The following USH2A variants were observed in gnomAD, a reference collection of about 807,000 sequenced individuals.
USH2A encodes usherin, also known as Usher syndrome 2A (autosomal recessive, mild).
USH2A carries 443 observed loss-of-function variants against 538.9 expected under a neutral mutation model. The observed-to-expected ratio is 0.82, with a 90% CI of 0.76 to 0.89. The LOEUF (loss-of-function observed/expected upper bound fraction) is 0.89, where lower values mean the gene tolerates loss of function less well. Ranked by LOEUF, USH2A falls within the 40% of genes least tolerant of loss-of-function variation. The pLI is 0.00. For missense variants in USH2A, 6,633 were observed against 6,324.8 expected (o/e 1.05, Z -1.65); for synonymous variants, 2,413 against 2,273.5 (o/e 1.06, Z -1.75).
At chr1:215,682,146 A>G (rs1280660647) in intron 61 of USH2A, among the ~76,000 whole-genome samples, 1 of 152,198 alleles carries the variant, frequency 6.6e-6, no homozygotes, top group Non-Finnish European at 1.5e-5. Flanking sequence ...TAGGGCAAAC[A>G]TGGGCAAGAT....
chr1:216,370,620 G>A (rs1447667942), intron 3 of USH2A, among the ~76,000 whole-genome samples: 2 of 131,356 alleles, frequency 1.5e-5, no homozygotes, highest in African/African-American at 5.6e-5. Flanking sequence ...GGAGGTTGTG[G>A]TGAGCCGAGA....
chr1:216,011,333 G>A (rs547205235), intron 32 of USH2A, among the ~76,000 whole-genome samples: 1 of 152,136 alleles, frequency 6.6e-6, no homozygotes, highest in East Asian at 1.9e-4. Flanking sequence ...CACCCATTAG[G>A]CTCAGCAAAT....
At chr1:216,302,482 C>T (rs1243179886) in intron 9 of USH2A, among the ~76,000 whole-genome samples, 1 of 151,938 alleles carries the variant, frequency 6.6e-6, no homozygotes, top group East Asian at 1.9e-4. Context: ...ATGACATATC[C>T]CTTTTTCAGT....
rs572785281 is a variant in USH2A at position 216,278,112 on chromosome 1, C to T, written c.1971+11168G>A. On this transcript the variant is annotated intron_variant, in intron 11 of 71. Transcript: ENST00000307340. ...AGTTCTTCCAATATCCAGACACTACCTAATGCTTCTGCTAGTGCTATTATG... is the reference window on the plus strand; with the variant it reads ...AGTTCTTCCAATATCCAGACACTACTTAATGCTTCTGCTAGTGCTATTATG... Among the ~76,000 whole-genome samples the T allele has an allele frequency of 5.3e-5, 8 of 152,244 alleles. No homozygotes were observed. The East Asian group carries it at 1.5e-3, about 29-fold the overall frequency.
chr1:216,195,151 A>G (rs74141521), intron 19 of USH2A, among the ~76,000 whole-genome samples: 3,781 of 152,214 alleles, frequency 0.025, 161 homozygotes, highest in African/African-American at 0.086. Flanking sequence ...CTTTTTTATA[A>G]TCTTGGAATT....
At chr1:215,715,770 C>T (rs1214419077) in intron 61 of USH2A, among the ~76,000 whole-genome samples, 1 of 152,154 alleles carries the variant, frequency 6.6e-6, no homozygotes, top group Admixed American at 6.5e-5. Flanking sequence ...ATTTTTAAAA[C>T]AATGTCCTTC....
chr1:216,354,468 T>C (rs2038343837), intron 4 of USH2A, among the ~76,000 whole-genome samples: 1 of 152,098 alleles, frequency 6.6e-6, no homozygotes, highest in Non-Finnish European at 1.5e-5. Flanking sequence ...ATAATATAAA[T>C]GCTAAAAGAT....
In USH2A at chr1:216,325,415, CAA is replaced by C; in HGVS notation, c.1031_1032del (p.Phe344CysfsTer3). The C allele has an allele frequency of 6.2e-7, 1 of 1,613,860 alleles. No homozygotes were observed. The highest frequency in any genetic ancestry group is 8.5e-7 in the Non-Finnish European group (1 of 1,179,898). On this transcript the variant is annotated frameshift_variant, in exon 6 of 72. Coordinates refer to ENST00000307340, the MANE Select transcript of USH2A (RefSeq NM_206933.4). LOFTEE classifies it high-confidence loss of function. Reference sequence around the variant, plus strand: ...GAAGTACCAACATCATTATCATTGACAAAAGAGAGAGGATGGGCTTCAGGATT... The same window carrying C: ...GAAGTACCAACATCATTATCATTGACAAGAGAGAGGATGGGCTTCAGGATT... ...RLNPEAHPLS[F>X]VNDNDVGTSW...
chr1:216,386,824 C>T (rs1571768045), intron 3 of USH2A, among the ~76,000 whole-genome samples: 2 of 152,164 alleles, frequency 1.3e-5, no homozygotes, highest in East Asian at 3.9e-4. Context: ...CACTGCAATC[C>T]AGCCTGGGCG....
rs555793438 is a variant in USH2A, at chr1:215,923,249, C to CAACA, written c.7300+11363_7300+11366dup. Reference sequence around the variant, plus strand: ...GAGATGGGTAGTGGGTTCCTGTAATCAACAAACAAACAAACAAACAAAAAA... The same window carrying CAACA: ...GAGATGGGTAGTGGGTTCCTGTAATCAACAAACAAACAAACAAACAAACAAAAAA... On this transcript the variant is annotated intron_variant, in intron 38 of 71. Coordinates refer to ENST00000307340, the MANE Select transcript of USH2A (RefSeq NM_206933.4). 3.8e-3 allele frequency among the ~76,000 whole-genome samples: 582 copies of CAACA among 151,960 alleles called. 20 individuals carry two copies. In the East Asian group the frequency reaches 0.062, roughly 16 times the overall value.
At chr1:215,790,656 G>C (rs1661956957) in intron 50 of USH2A, among the ~76,000 whole-genome samples, 1 of 152,178 alleles carries the variant, frequency 6.6e-6, no homozygotes, top group African/African-American at 2.4e-5. Context: ...GAAAGCTCTA[G>C]AAATTCATAA....
At chr1:215,789,613 T>G (rs1478933911) in intron 51 of USH2A, among the ~76,000 whole-genome samples, 1 of 152,158 alleles carries the variant, frequency 6.6e-6, no homozygotes, top group African/African-American at 2.4e-5. Context: ...CAAGGGAATA[T>G]GATATAAATG....
At chr1:216,207,485 G>C (rs768834259) in intron 15 of USH2A, 54 bp from the exon 16 acceptor site, 13 of 1,605,912 alleles carry the variant, frequency 8.1e-6, no homozygotes, top group Non-Finnish European at 9.4e-6. Flanking sequence ...AAACAGAAAA[G>C]CAAACTGAAG....
chr1:216,325,775 C>T (rs552980569), intron 5 of USH2A, among the ~76,000 whole-genome samples, 176 bp from the exon 6 acceptor site: 10 of 152,174 alleles, frequency 6.6e-5, no homozygotes, highest in African/African-American at 2.2e-4. Flanking sequence ...TAAACAAATT[C>T]ATTATCATAA....
At chr1:216,204,643 C>G (rs1177178856) in intron 16 of USH2A, among the ~76,000 whole-genome samples, 2 of 152,162 alleles carry the variant, frequency 1.3e-5, no homozygotes, top group Non-Finnish European at 2.9e-5. Context: ...TGATTCTCCA[C>G]CTATAATTCC....
At position 216,041,934 on chromosome 1, in the gene USH2A, C is replaced by T. The variant is rs1469635603; in HGVS notation, c.6325+4497G>A. Among the ~76,000 whole-genome samples, 3 of 151,720 alleles carry T rather than the reference C, an allele frequency of 2.0e-5. No individual in the cohort carries two copies. In the East Asian group the frequency reaches 5.8e-4, roughly 29 times the overall value. On this transcript the variant is annotated intron_variant, in intron 32 of 71. Transcript: ENST00000307340. Reference sequence around the variant, plus strand: ...GAATAATGTGACAAACTATACCAAACATTCTGCAAATGTTCATTACCTTTG... The same window carrying T: ...GAATAATGTGACAAACTATACCAAATATTCTGCAAATGTTCATTACCTTTG...
At chr1:216,077,022 C>T in intron 27 of USH2A, among the ~76,000 whole-genome samples, 1 of 152,090 alleles carries the variant, frequency 6.6e-6, no homozygotes, top group African/African-American at 2.4e-5. Context: ...GACTTAGTGT[C>T]TTGCTATCTG....
rs773317776 is a variant in USH2A, at chr1:216,199,969, T to C, written c.3469A>G (p.Ile1157Val). Residue 1157 changes from isoleucine (I) to valine (V), a missense_variant, in exon 17 of 72, where the codon ATC becomes GTC. Coordinates refer to ENST00000307340, the MANE Select transcript of USH2A (RefSeq NM_206933.4). The stretch of plus-strand genomic sequence containing the variant: ...ACAGAGTCTGAGCCAATAGGAATGA[T>C]ATAACTTAAAGTCAAGTTTCCCTCT... ...VPEGNLTLSYIIPIGSDSVTL... is the reference protein window; with the variant it reads ...VPEGNLTLSYVIPIGSDSVTL... 9.3e-6 allele frequency: 15 copies of C among 1,614,030 alleles called. No homozygotes were observed. Among genetic ancestry groups the C allele is most frequent in the Non-Finnish European group, 1.2e-5 (14 of 1,180,008 alleles).
At chr1:216,330,407 T>A (rs957617770) in intron 4 of USH2A, among the ~76,000 whole-genome samples, 8 of 152,038 alleles carry the variant, frequency 5.3e-5, no homozygotes, top group African/African-American at 1.9e-4. Flanking sequence ...AAGAGAGGCC[T>A]CATTGAGAAT....
Sources: allele counts gnomAD v4.1 joint callset (sites outside exome capture counted in the v4.1 genomes callset), GRCh38; gene constraint gnomAD v4.1.1; transcripts MANE v1.5; gene names NCBI Gene and HGNC (gene_info 2026-07-23, HGNC 2026-07-21).